Variants in EFCAB6 observed in about 807,000 individuals in gnomAD.
The protein encoded by EFCAB6 is EF-hand calcium binding domain 6.
Under a neutral mutation model 169.8 loss-of-function variants are expected in EFCAB6, and 156 were observed. The ratio of observed to expected loss-of-function variants is 0.92; its 90% CI spans 0.81 to 1.05. The LOEUF (loss-of-function observed/expected upper bound fraction) is 1.05, where lower values mean the gene tolerates loss of function less well. Ranked by LOEUF, EFCAB6 falls within the 50% of genes least tolerant of loss-of-function variation. EFCAB6 has a pLI of 0.00. For synonymous variants in EFCAB6, 698 were observed against 676.4 expected (o/e 1.03, Z -0.50); for missense variants, 1,800 against 1,829.1 (o/e 0.98, Z 0.29).
intron 27 of EFCAB6, among the ~76,000 whole-genome samples, chr22:43,550,927 G>A (rs1212400573): frequency 2.6e-5 from 4 of 152,142 alleles, no homozygotes; most frequent in Admixed American, 6.5e-5. Context: ...CTCCTTTCCC[G>A]AAAGGTTAAT....
chr22:43,635,031 G>T, intron 18 of EFCAB6, 71 bp downstream of exon 18: 2 of 1,244,408 alleles, frequency 1.6e-6, no homozygotes, highest in Non-Finnish European at 2.4e-6. Flanking sequence ...TGGCCTGGTG[G>T]CACTGCTAGC....
chr22:43,754,370 C>T (rs2060881100), intron 6 of EFCAB6, among the ~76,000 whole-genome samples: 1 of 152,136 alleles, frequency 6.6e-6, no homozygotes, highest in Non-Finnish European at 1.5e-5. Flanking sequence ...CTGCCCGGGT[C>T]CCGGGGTCAG....
chr22:43,659,894 G>A (rs983887515), intron 17 of EFCAB6, among the ~76,000 whole-genome samples: 1 of 152,190 alleles, frequency 6.6e-6, no homozygotes, highest in Non-Finnish European at 1.5e-5. Flanking sequence ...TGTCCCTGCC[G>A]TAGAGCAGGC....
At chr22:43,803,247 C>A (rs2062795790) in intron 2 of EFCAB6, among the ~76,000 whole-genome samples, 1 of 152,202 alleles carries the variant, frequency 6.6e-6, no homozygotes, top group Admixed American at 6.5e-5. Context: ...AGCAGCGGTT[C>A]TCTTTCTGGG....
Position 43,628,632 on chromosome 22 carries a change from C to A in EFCAB6, c.2233-1953G>T, listed in dbSNP as rs898155448. ...ACCCGTCCCCTCACTGTTCTCTGAA[C>A]AGGCCGAGCCTGCTTCAGGGTATCG... On this transcript the variant is annotated intron_variant, in intron 19 of 31. Transcript: ENST00000262726. This position sits in a 1 kb window ranked among gnomAD's most constrained non-coding sequence, Gnocchi z 4.8. Among the ~76,000 whole-genome samples the A allele has an allele frequency of 6.6e-6, 1 of 151,928 alleles. No individual in the cohort carries two copies. The highest frequency in any genetic ancestry group is 2.1e-4 in the South Asian group (1 of 4,818).
intron 3 of EFCAB6, among the ~76,000 whole-genome samples, chr22:43,776,706 G>A (rs1046197547): frequency 1.3e-5 from 2 of 152,192 alleles, no homozygotes; most frequent in Non-Finnish European, 2.9e-5. Context: ...TGGAGTGGAC[G>A]GTGTGGCACA....
chr22:43,554,747 A>G, intron 27 of EFCAB6, 122 bp downstream of exon 27: 1 of 848,786 alleles, frequency 1.2e-6, no homozygotes, highest in South Asian at 1.7e-5. Flanking sequence ...GAAAAACAAA[A>G]TAACAAAACT....
At chr22:43,799,823 A>G (rs2062639907) in intron 2 of EFCAB6, among the ~76,000 whole-genome samples, 1 of 152,164 alleles carries the variant, frequency 6.6e-6, no homozygotes, top group Non-Finnish European at 1.5e-5. Flanking sequence ...AAAGAATTCA[A>G]CTTCCACATC....
chr22:43,737,761 ACAC>A (rs1442627145), intron 6 of EFCAB6, among the ~76,000 whole-genome samples: 1 of 151,294 alleles, frequency 6.6e-6, no homozygotes, highest in East Asian at 1.9e-4. Flanking sequence ...ACAGGCATAC[ACAC>A]CATCACTCAC....
chr22:43,771,839 G>T (rs1306176185), intron 4 of EFCAB6, among the ~76,000 whole-genome samples: 1 of 152,106 alleles, frequency 6.6e-6, no homozygotes, highest in Non-Finnish European at 1.5e-5. Context: ...GTACTTTTCT[G>T]AATTGGCCCT....
chr22:43,711,405 C>G (rs550930774), intron 10 of EFCAB6, 70 bp downstream of exon 10: 1 of 1,408,550 alleles, frequency 7.1e-7, no homozygotes, highest in Non-Finnish European at 9.4e-7. Flanking sequence ...AAAAAATAAA[C>G]GAAGCTGTGC....
intron 23 of EFCAB6, among the ~76,000 whole-genome samples, chr22:43,595,254 AGAAAG>A (rs1314661378): frequency 6.6e-6 from 1 of 152,116 alleles, no homozygotes; most frequent in African/African-American, 2.4e-5. Context: ...CTAAATTAGT[AGAAAG>A]GAAGAAATAA....
chr22:43,811,912 T>G (rs2063144288), intron 1 of EFCAB6, among the ~76,000 whole-genome samples: 3 of 152,176 alleles, frequency 2.0e-5, no homozygotes, highest in Admixed American at 6.5e-5. Flanking sequence ...GCGTTGTTTA[T>G]CGTTCTTCTC....
At chr22:43,736,021 G>A in intron 6 of EFCAB6, 28 bp from the exon 7 acceptor site, 1 of 1,585,858 alleles carries the variant, frequency 6.3e-7, no homozygotes, top group Non-Finnish European at 8.6e-7. Flanking sequence ...TTTAGGAAAA[G>A]TCAAAAGATC....
At chr22:43,796,174 C>T (rs1322856077) in intron 2 of EFCAB6, among the ~76,000 whole-genome samples, 1 of 152,132 alleles carries the variant, frequency 6.6e-6, no homozygotes, top group Admixed American at 6.5e-5. Flanking sequence ...TCACTCATCC[C>T]TCTACTGAGA....
intron 26 of EFCAB6, among the ~76,000 whole-genome samples, chr22:43,563,782 G>C (rs893045765): frequency 1.3e-5 from 2 of 152,204 alleles, no homozygotes; most frequent in Admixed American, 1.3e-4. Flanking sequence ...GGTGCATCCT[G>C]GTGCCCATTA....
At chr22:43,673,386 CA>C (rs1342335713) in intron 13 of EFCAB6, among the ~76,000 whole-genome samples, 3 of 151,838 alleles carry the variant, frequency 2.0e-5, no homozygotes, top group Non-Finnish European at 2.9e-5. Flanking sequence ...TAGAGTAATA[CA>C]AAAAAGCAAG....
At chr22:43,728,142 A>G (rs1307967803) in intron 8 of EFCAB6, among the ~76,000 whole-genome samples, 1 of 151,876 alleles carries the variant, frequency 6.6e-6, no homozygotes, top group Non-Finnish European at 1.5e-5. Flanking sequence ...CAACTCTCAC[A>G]ATGAGTGAGA....
intron 30 of EFCAB6, chr22:43,533,415 C>T (rs1185955297): frequency 6.6e-6 from 1 of 152,210 alleles, no homozygotes; most frequent in East Asian, 1.9e-4. Context: ...ACCTTGGTCA[C>T]ACAGACGCCT....
Sources: gnomAD v4.1 joint callset for allele counts (sites outside exome capture counted in the v4.1 genomes callset) on GRCh38, gnomAD v4.1.1 for gene constraint, Gnocchi (gnomAD v3.1) non-coding constraint, MANE v1.5 for transcripts, NCBI Gene and HGNC (gene_info 2026-07-23, HGNC 2026-07-21) for gene names.